Variants in MTMR9 observed in about 807,000 individuals in gnomAD.
The protein encoded by MTMR9 is myotubularin-related protein 9.
A neutral mutation model predicts 69.5 loss-of-function variants in MTMR9; 39 were observed. That is an observed-to-expected ratio of 0.56 (90% CI 0.43 to 0.73). The LOEUF is 0.73. Among genes scored for constraint, MTMR9 ranks in the 30% least tolerant of loss-of-function variants. The pLI is 0.00. For synonymous variants in MTMR9, 354 were observed against 240.8 expected (o/e 1.47, Z -4.35); for missense variants, 900 against 671.2 (o/e 1.34, Z -3.77).
intron 1 of MTMR9, among the ~76,000 whole-genome samples, chr8:11,291,780 A>G (rs2117359646): frequency 6.6e-6 from 1 of 152,308 alleles, no homozygotes; most frequent in Non-Finnish European, 1.5e-5. Context: ...TTTACAAGAG[A>G]ATAACCGTAT....
At chr8:11,291,219 C>T (rs927285422) in intron 1 of MTMR9, among the ~76,000 whole-genome samples, 1 of 152,040 alleles carries the variant, frequency 6.6e-6, no homozygotes, top group Non-Finnish European at 1.5e-5. Context: ...TCTTGACATC[C>T]ATGAACAATG....
In MTMR9 at chr8:11,326,310, A is replaced by T. The variant is rs1382511590; in HGVS notation, c.*3522A>T. On this transcript the variant is annotated 3_prime_UTR_variant, in exon 10 of 10. Transcript: ENST00000221086. ...GGTTTTGGTATTTGCCCACTTCTAG[A>T]TAGAATGAATGAAAACAACACAAGC... 6.6e-6 allele frequency: 1 copy of T among 152,210 alleles called. No individual in the cohort carries two copies. The highest frequency in any genetic ancestry group is 1.9e-4 in the East Asian group (1 of 5,198). The allele number at this position is 152,210 out of a possible 1,614,324, so 9.4% of individuals were successfully genotyped here.
intron 2 of MTMR9, chr8:11,298,768 C>A: frequency 1.0e-6 from 1 of 981,242 alleles, no homozygotes; most frequent in Non-Finnish European, 1.2e-6. Context: ...CATAATCCCC[C>A]TGTGAGAAGG....
chr8:11,302,444 G>C (rs548288586), intron 3 of MTMR9, among the ~76,000 whole-genome samples: 132 of 152,058 alleles, frequency 8.7e-4, no homozygotes, highest in Non-Finnish European at 1.4e-3. Context: ...TTGTTGTTCA[G>C]CTACTGAACA....
At chr8:11,308,977 C>T (rs1210468042) in intron 5 of MTMR9, among the ~76,000 whole-genome samples, 1 of 152,174 alleles carries the variant, frequency 6.6e-6, no homozygotes, top group Non-Finnish European at 1.5e-5. Context: ...TTATATTTTC[C>T]TAAGTCAAAG....
the MTMR9 span, among the ~76,000 whole-genome samples, chr8:11,334,665 A>G: frequency 6.6e-6 from 1 of 152,196 alleles, no homozygotes; most frequent in Non-Finnish European, 1.5e-5. Context: ...AGTCCTTATC[A>G]GTGATTACAT....
At position 11,324,405 on chromosome 8, in the gene MTMR9, C is replaced by T. The variant is rs1259265095; in HGVS notation, c.*1617C>T. The T allele has an allele frequency of 1.3e-5, 2 of 150,564 alleles. No homozygotes were observed. The highest frequency in any genetic ancestry group is 2.9e-5 in the Non-Finnish European group (2 of 67,858). The allele number at this position is 150,564 out of a possible 1,614,324, so 9.3% of individuals were successfully genotyped here. A position where few individuals can be genotyped will look rare whatever the true frequency, so the allele number is the denominator to read the frequency against. On this transcript the variant is annotated 3_prime_UTR_variant, in exon 10 of 10. Coordinates refer to ENST00000221086, the MANE Select transcript of MTMR9 (RefSeq NM_015458.4). ...GCTCAGTTTATTTTTGACTTACTTT[C>T]TTTGCTGTAGTTATGAACCTTGGGG...
intron 3 of MTMR9, among the ~76,000 whole-genome samples, chr8:11,301,829 A>G (rs889765731): frequency 2.0e-5 from 3 of 152,244 alleles, no homozygotes; most frequent in African/African-American, 7.2e-5. Context: ...AAAATAAGTG[A>G]TTTGAAATAT....
At chr8:11,294,586 C>G (rs972212630) in intron 1 of MTMR9, among the ~76,000 whole-genome samples, 7 of 147,486 alleles carry the variant, frequency 4.7e-5, no homozygotes, top group African/African-American at 1.8e-4. Flanking sequence ...ACTGCAACCT[C>G]TGCCTCCCGG....
downstream of MTMR9, chr8:11,331,563 G>C: frequency 6.2e-7 from 1 of 1,613,832 alleles, no homozygotes; most frequent in Non-Finnish European, 8.5e-7. Context: ...TGAGAGCCAG[G>C]GTCTCGGTGG....
At chr8:11,331,119 C>T, downstream of MTMR9, 6 of 1,596,504 alleles carry the variant, frequency 3.8e-6, no homozygotes, top group South Asian at 1.1e-5. Flanking sequence ...GGCTGGCAGT[C>T]ACCCCTACTT....
rs781612159 is a variant in MTMR9, at chr8:11,322,765, G to T, written c.1627G>T (p.Asp543Tyr). ...RRQLAELETE[D>Y]GMQESP ...GCAGTTGGCAGAACTGGAAACAGAG[G>T]ACGGGATGCAGGAGAGTCCCTGAAA... The change falls in exon 10 of 10, where the codon GAC (aspartate) becomes TAC (tyrosine). Residue 543 changes from aspartate to tyrosine, a missense_variant. Physicochemically the swap from Asp to Tyr is radical, Grantham distance 160 (BLOSUM62 -3). Transcript: ENST00000221086. 6.2e-7 allele frequency: 1 copy of T among 1,614,038 alleles called. No homozygotes were observed. The highest frequency in any genetic ancestry group is 8.5e-7 in the Non-Finnish European group (1 of 1,179,960).
rs1386789607 is a variant in MTMR9, at chr8:11,305,019, G to A, written c.591+5G>A. On this transcript the variant is annotated splice_donor_5th_base_variant and intron_variant, in intron 4 of 9. Transcript: ENST00000221086. ...TACCACAAAAAAAATGGGATGGTAAGTGCACAGCACTACTGCTTGATGTAC... is the reference window on the plus strand; with the variant it reads ...TACCACAAAAAAAATGGGATGGTAAATGCACAGCACTACTGCTTGATGTAC... 3 of 1,613,508 alleles carry A rather than the reference G, an allele frequency of 1.9e-6. No homozygotes were observed. Among genetic ancestry groups the A allele is most frequent in the East Asian group, 4.5e-5 (2 of 44,876 alleles).
At chr8:11,332,159 G>A, downstream of MTMR9, 2 of 1,609,434 alleles carry the variant, frequency 1.2e-6, no homozygotes, top group African/African-American at 1.3e-5. Flanking sequence ...GGGAGGGACA[G>A]GGATAAATAA....
At chr8:11,292,591 A>G (rs1376181658) in intron 1 of MTMR9, among the ~76,000 whole-genome samples, 1 of 152,200 alleles carries the variant, frequency 6.6e-6, no homozygotes, top group Admixed American at 6.5e-5. Context: ...CCTTATGACT[A>G]GTGGTGTAGG....
chr8:11,336,778 T>A, the MTMR9 span, among the ~76,000 whole-genome samples: 537 of 152,266 alleles, frequency 3.5e-3, 8 homozygotes, highest in Middle Eastern at 0.01. Flanking sequence ...GCAGCAGAAG[T>A]AAGTGTGAAA....
At chr8:11,289,900 C>G (rs1018264928) in intron 1 of MTMR9, among the ~76,000 whole-genome samples, 2 of 152,204 alleles carry the variant, frequency 1.3e-5, no homozygotes, top group African/African-American at 4.8e-5. Flanking sequence ...ACTTCCAACT[C>G]CCTGCTATCA....
chr8:11,298,737 C>CCGGCG, intron 2 of MTMR9: 1 of 930,186 alleles, frequency 1.1e-6, no homozygotes, highest in Non-Finnish European at 1.3e-6. Flanking sequence ...CCCCGCCATC[C>CCGGCG]AGTATAGAAA....
chr8:11,301,867 G>C (rs529665545), intron 3 of MTMR9, among the ~76,000 whole-genome samples: 1 of 152,268 alleles, frequency 6.6e-6, no homozygotes, highest in East Asian at 1.9e-4. Context: ...TCAGAATATG[G>C]AACAGAGAAG....
Sources: gnomAD v4.1 joint callset for allele counts (sites outside exome capture counted in the v4.1 genomes callset) on GRCh38, gnomAD v4.1.1 for gene constraint, MANE v1.5 for transcripts, NCBI Gene and HGNC (gene_info 2026-07-23, HGNC 2026-07-21) for gene names.